Variants in ANKS1B observed in about 807,000 individuals in gnomAD.
ANKS1B encodes the protein ankyrin repeat and sterile alpha motif domain-containing protein 1B.
A neutral mutation model predicts 148.3 loss-of-function variants in ANKS1B; 36 were observed. The ratio of observed to expected loss-of-function variants is 0.24; its 90% CI spans 0.19 to 0.32. ANKS1B has a LOEUF of 0.32. ANKS1B is among the 10% of genes least tolerant of loss of function. The pLI, the probability that ANKS1B is intolerant of heterozygous loss-of-function variation, is 1.00. For synonymous variants in ANKS1B, 542 were observed against 560.8 expected (o/e 0.97, Z 0.47); for missense variants, 1,157 against 1,542.6 (o/e 0.75, Z 4.19).
Position 99,883,617 on chromosome 12 carries a change from A to C in ANKS1B, c.135-58228T>G, listed in dbSNP as rs1095786. ...AAAAGACAAGGCATAGACTTGGGGCAGGGGGGAATCTGCAAATCGGCCGGG... is the reference window on the plus strand; with the variant it reads ...AAAAGACAAGGCATAGACTTGGGGCCGGGGGGAATCTGCAAATCGGCCGGG... On this transcript the variant is annotated intron_variant, in intron 1 of 26. Transcript: ENST00000683438. Among the ~76,000 whole-genome samples the C allele has an allele frequency of 9.7e-5, 14 of 144,078 alleles. No homozygotes were observed. The South Asian group carries it at 3.0e-3, about 31-fold the overall frequency. The allele number at this position is 144,078 out of a possible 152,430, so 94.5% of individuals were successfully genotyped here. A position where few individuals can be genotyped will look rare whatever the true frequency, so the allele number is the denominator to read the frequency against.
intron 17 of ANKS1B, among the ~76,000 whole-genome samples, chr12:98,874,383 G>A (rs528072604): frequency 1.3e-5 from 2 of 152,320 alleles, no homozygotes; most frequent in East Asian, 3.9e-4. Flanking sequence ...TGGAGCAGAT[G>A]TGATATATTT....
intron 17 of ANKS1B, among the ~76,000 whole-genome samples, chr12:98,916,046 C>A (rs1342979796): frequency 6.6e-6 from 1 of 152,196 alleles, no homozygotes; most frequent in African/African-American, 2.4e-5. Context: ...ATCACATAAC[C>A]TGGATATGTT....
intron 10 of ANKS1B, among the ~76,000 whole-genome samples, chr12:99,466,964 A>T (rs989826214): frequency 2.4e-4 from 36 of 152,194 alleles, no homozygotes; most frequent in African/African-American, 6.8e-4. Context: ...CCTGATACCA[A>T]AGCCTGGCAG....
intron 8 of ANKS1B, among the ~76,000 whole-genome samples, chr12:99,755,257 G>A (rs768916221): frequency 6.6e-6 from 1 of 151,904 alleles, no homozygotes; most frequent in African/African-American, 2.4e-5. Flanking sequence ...TAGAAGAAAT[G>A]AATAAATTCC....
intron 9 of ANKS1B, among the ~76,000 whole-genome samples, chr12:99,512,137 T>G (rs2096772654): frequency 6.6e-6 from 1 of 151,696 alleles, no homozygotes; most frequent in Admixed American, 6.6e-5. Flanking sequence ...ACCTACAGAG[T>G]GGGATAAAAT....
chr12:99,953,551 A>G (rs1016057197), intron 1 of ANKS1B, among the ~76,000 whole-genome samples: 2 of 152,056 alleles, frequency 1.3e-5, no homozygotes, highest in African/African-American at 4.8e-5. Context: ...CATACATGAA[A>G]GTTAAGAAAA....
chr12:99,446,680 C>T (rs756989076), intron 10 of ANKS1B, among the ~76,000 whole-genome samples: 10 of 151,994 alleles, frequency 6.6e-5, no homozygotes, highest in Middle Eastern at 3.4e-3. Flanking sequence ...TGAAGAAGAT[C>T]GGCATAGTTG....
At chr12:99,000,009 C>A (rs1225612270) in intron 17 of ANKS1B, among the ~76,000 whole-genome samples, 1 of 151,838 alleles carries the variant, frequency 6.6e-6, no homozygotes. Context: ...TTTCAGTTTA[C>A]AAGAATAAAG....
chr12:99,896,786 C>T (rs2093403351), intron 1 of ANKS1B, among the ~76,000 whole-genome samples: 2 of 151,300 alleles, frequency 1.3e-5, no homozygotes, highest in African/African-American at 4.8e-5. Flanking sequence ...AAAATGCTCT[C>T]TATTCATAAA....
intron 1 of ANKS1B, among the ~76,000 whole-genome samples, chr12:99,836,099 T>A (rs980460916): frequency 6.6e-6 from 1 of 152,184 alleles, no homozygotes; most frequent in African/African-American, 2.4e-5. Flanking sequence ...AGAACAACTA[T>A]GAACTGGCCT....
intron 11 of ANKS1B, among the ~76,000 whole-genome samples, chr12:99,416,029 C>T (rs549707440): frequency 1.3e-5 from 2 of 152,236 alleles, no homozygotes; most frequent in South Asian, 4.2e-4. Context: ...GCCCCCACCT[C>T]CACCTTAACT....
intron 12 of ANKS1B, among the ~76,000 whole-genome samples, chr12:99,355,391 T>A (rs1027966534): frequency 1.3e-5 from 2 of 152,190 alleles, no homozygotes; most frequent in African/African-American, 4.8e-5. Flanking sequence ...ATTCATTGTT[T>A]TCCTGCCACA....
chr12:99,832,293 A>G (rs929536626), intron 1 of ANKS1B, among the ~76,000 whole-genome samples: 2 of 152,182 alleles, frequency 1.3e-5, no homozygotes, highest in African/African-American at 4.8e-5. Context: ...TTTTAATAGT[A>G]TAAAAGAGAA....
intron 9 of ANKS1B, among the ~76,000 whole-genome samples, chr12:99,620,239 A>G (rs2098030002): frequency 6.6e-6 from 1 of 152,174 alleles, no homozygotes; most frequent in South Asian, 2.1e-4. Flanking sequence ...AAAAAAGAAG[A>G]GAAAATCCTA....
intron 9 of ANKS1B, among the ~76,000 whole-genome samples, chr12:99,608,154 T>C (rs569024894): frequency 6.6e-6 from 1 of 152,206 alleles, no homozygotes; most frequent in South Asian, 2.1e-4. Context: ...CATGGGCATT[T>C]TCTTGAGGCT....
chr12:99,135,591 T>C (rs1355098329), intron 15 of ANKS1B, among the ~76,000 whole-genome samples: 1 of 152,204 alleles, frequency 6.6e-6, no homozygotes, highest in African/African-American at 2.4e-5. Context: ...AAGAGAGCAT[T>C]GTCTTCCATA....
At chr12:98,998,163 A>G (rs988989785) in intron 17 of ANKS1B, among the ~76,000 whole-genome samples, 1 of 152,206 alleles carries the variant, frequency 6.6e-6, no homozygotes, top group African/African-American at 2.4e-5. Flanking sequence ...GAATTTACCC[A>G]GACTGCTTTG....
At chr12:99,319,360 T>C (rs1264783645) in intron 12 of ANKS1B, among the ~76,000 whole-genome samples, 3 of 152,216 alleles carry the variant, frequency 2.0e-5, no homozygotes, top group African/African-American at 7.2e-5. Context: ...ACTCCTGTAT[T>C]GGGTGCATAT....
At position 99,250,275 on chromosome 12, in the gene ANKS1B, T is replaced by C. The variant is rs114863438; in HGVS notation, c.1757-3411A>G. On this transcript the variant is annotated intron_variant, in intron 12 of 26. Coordinates refer to ENST00000683438, the MANE Select transcript of ANKS1B (RefSeq NM_001352186.2). Reference sequence around the variant, plus strand: ...AGTGGCCTAGAGAGTGAGAGCCAGATGAAGGAGGTAATTGGGACTATGGGC... The same window carrying C: ...AGTGGCCTAGAGAGTGAGAGCCAGACGAAGGAGGTAATTGGGACTATGGGC... Among the ~76,000 whole-genome samples, 1,293 of 152,268 alleles carry C rather than the reference T, an allele frequency of 8.5e-3. 16 individuals carry two copies. Among genetic ancestry groups the C allele is most frequent in the African/African-American group, 0.029 (1,212 of 41,542 alleles).
Sources: allele counts gnomAD v4.1 joint callset (sites outside exome capture counted in the v4.1 genomes callset), GRCh38; gene constraint gnomAD v4.1.1; transcripts MANE v1.5; gene names NCBI Gene and HGNC (gene_info 2026-07-23, HGNC 2026-07-21).